The following KCNQ1OT1 variants were observed in gnomAD, a reference collection of about 807,000 sequenced individuals.
The protein encoded by KCNQ1OT1 is KCNQ1 antisense RNA 2 (non-protein coding).
chr11:2,630,337 T>C (rs1343766377), exon 1 of KCNQ1OT1: 1 of 398,168 alleles, frequency 2.5e-6, no homozygotes, highest in Non-Finnish European at 4.4e-6. Flanking sequence ...AATTTTTAAA[T>C]GTATAGTCAT....
In KCNQ1OT1 at chr11:2,631,383, A is replaced by G. The variant is rs139802305; in HGVS notation, n.68612T>C. 6.7e-4 allele frequency: 266 copies of G among 395,058 alleles called. 4 individuals are homozygous for G. In the East Asian group the frequency reaches 9.5e-3, roughly 14 times the overall value. 24.5% of individuals were successfully genotyped at this position (395,058 alleles called of 1,614,324 possible). ...GTCTGCTGCTGATGCTTTCTATTTC[A>G]CTTTTCATTTCATGCACTATATTCT... On this transcript the variant is annotated non_coding_transcript_exon_variant, in exon 1 of 1. Transcript: ENST00000597346.
exon 1 of KCNQ1OT1, chr11:2,632,906 CT>C (rs1488117241): frequency 5.0e-6 from 2 of 398,312 alleles, no homozygotes; most frequent in African/African-American, 4.1e-5. Context: ...TTTTTATATA[CT>C]GATTTCCTTT....
At chr11:2,675,986 C>T in exon 1 of KCNQ1OT1, 1 of 398,658 alleles carries the variant, frequency 2.5e-6, no homozygotes, top group Admixed American at 4.4e-5. Flanking sequence ...ACACTCTCCC[C>T]ACCCAACCCT....
chr11:2,668,513 G>T lies in KCNQ1OT1; in HGVS notation n.31482C>A. On this transcript the variant is annotated non_coding_transcript_exon_variant, in exon 1 of 1. Coordinates refer to ENST00000597346, the Ensembl canonical transcript of KCNQ1OT1. The surrounding 1 kb of genome is among the most constrained non-coding windows in gnomAD (Gnocchi z 4.3). ...TGGTGAATGTCTAGCAGCATCAAAT[G>T]GTGATTTTAATTTGCAGTAACCTGT... 2.5e-6 allele frequency: 1 copy of T among 398,560 alleles called. No homozygotes were observed. The highest frequency in any genetic ancestry group is 1.3e-4 in the South Asian group (1 of 7,852). 24.7% of individuals were successfully genotyped at this position (398,560 alleles called of 1,614,324 possible).
At chr11:2,675,016 C>CTT (rs1674855887) in exon 1 of KCNQ1OT1, 1 of 398,516 alleles carries the variant, frequency 2.5e-6, no homozygotes, top group Non-Finnish European at 4.4e-6. Flanking sequence ...TCCCGCCTGA[C>CTT]TTCTCTGCCA....
Position 2,626,934 on chromosome 11 carries a change from G to T in KCNQ1OT1, n.73061C>A. Reference sequence around the variant, plus strand: ...CCTTGAGATTCCATGTGAATTTTAGGATGGGGTTTCTTCTTTCTGCAAATA... The same window carrying T: ...CCTTGAGATTCCATGTGAATTTTAGTATGGGGTTTCTTCTTTCTGCAAATA... On this transcript the variant is annotated non_coding_transcript_exon_variant, in exon 1 of 1. Coordinates refer to ENST00000597346, the Ensembl canonical transcript of KCNQ1OT1. This position sits in a 1 kb window ranked among gnomAD's most constrained non-coding sequence, Gnocchi z 4.0. 1 of 398,562 alleles carries T rather than the reference G, an allele frequency of 2.5e-6. No homozygotes were observed. The highest frequency in any genetic ancestry group is 4.4e-6 in the Non-Finnish European group (1 of 226,054). 24.7% of individuals were successfully genotyped at this position (398,562 alleles called of 1,614,324 possible).
chr11:2,608,817 G>C lies in KCNQ1OT1; in HGVS notation n.91178C>G. 3 of 398,442 alleles carry C rather than the reference G, an allele frequency of 7.5e-6. No homozygotes were observed. The highest frequency in any genetic ancestry group is 1.3e-5 in the Non-Finnish European group (3 of 226,038). The allele number at this position is 398,442 out of a possible 1,614,324, so 24.7% of individuals were successfully genotyped here. On this transcript the variant is annotated non_coding_transcript_exon_variant, in exon 1 of 1. Transcript: ENST00000597346. This position sits in a 1 kb window ranked among gnomAD's most constrained non-coding sequence, Gnocchi z 4.6. ...TTTTTTTGCTTTAATTTGTAAAACT[G>C]TCATTCATTTCTGATTTTAGTAATT... is the stretch of plus-strand genomic sequence containing the variant.
At position 2,663,314 on chromosome 11, in the gene KCNQ1OT1, A is replaced by T. The variant is rs1850003908; in HGVS notation, n.36681T>A. On this transcript the variant is annotated non_coding_transcript_exon_variant, in exon 1 of 1. Transcript: ENST00000597346. The surrounding 1 kb of genome is among the most constrained non-coding windows in gnomAD (Gnocchi z 5.2). ...CTTCTGGGCCCCTCCTGGCTGGGTA[A>T]AAAGGCAGGAGCAGAGGTGTGAGCA... The T allele has an allele frequency of 2.5e-6, 1 of 398,778 alleles. No individual in the cohort carries two copies. Among genetic ancestry groups the T allele is most frequent in the Non-Finnish European group, 4.4e-6 (1 of 226,212 alleles). The allele number at this position is 398,778 out of a possible 1,614,324, so 24.7% of individuals were successfully genotyped here.
exon 1 of KCNQ1OT1, chr11:2,632,578 G>A (rs755706716): frequency 2.0e-5 from 8 of 398,146 alleles, no homozygotes; most frequent in Admixed American, 1.3e-4. Flanking sequence ...TATACACAGT[G>A]ATATTGTGAT....
chr11:2,612,435 T>C lies in KCNQ1OT1; in HGVS notation n.87560A>G. On this transcript the variant is annotated non_coding_transcript_exon_variant, in exon 1 of 1. Coordinates refer to ENST00000597346, the Ensembl canonical transcript of KCNQ1OT1. The surrounding 1 kb of genome is among the most constrained non-coding windows in gnomAD (Gnocchi z 5.5). ...ATGGGTATCTCTTCATTTTTCTTCA[T>C]TATTTTTCTTTCTATTCTTCAGTCT... The C allele has an allele frequency of 2.5e-6, 1 of 398,658 alleles. No individual in the cohort carries two copies. The allele number at this position is 398,658 out of a possible 1,614,324, so 24.7% of individuals were successfully genotyped here.
At chr11:2,649,610 G>A (rs1849726792) in exon 1 of KCNQ1OT1, 1 of 398,516 alleles carries the variant, frequency 2.5e-6, no homozygotes. Flanking sequence ...CCACCTTGCA[G>A]CACTTTTAAT....
rs1236612178 is a variant in KCNQ1OT1 at position 2,617,448 on chromosome 11, CCA to C, written n.82545_82546del. On this transcript the variant is annotated non_coding_transcript_exon_variant, in exon 1 of 1. Coordinates refer to ENST00000597346, the Ensembl canonical transcript of KCNQ1OT1. The surrounding 1 kb of genome is among the most constrained non-coding windows in gnomAD (Gnocchi z 4.6). ...TAATATTCCATTGTAGACATACACA[CCA>C]CAGTTTAGTCATCCATCAATGGACA... 1 of 398,394 alleles carries C rather than the reference CCA, an allele frequency of 2.5e-6. No homozygotes were observed. The highest frequency in any genetic ancestry group is 3.6e-5 in the East Asian group (1 of 28,062). 24.7% of individuals were successfully genotyped at this position (398,394 alleles called of 1,614,324 possible). A position where few individuals can be genotyped will look rare whatever the true frequency, so the allele number is the denominator to read the frequency against.
chr11:2,674,806 G>T lies in KCNQ1OT1; in HGVS notation n.25189C>A. On this transcript the variant is annotated non_coding_transcript_exon_variant, in exon 1 of 1. Transcript: ENST00000597346. This position sits in a 1 kb window ranked among gnomAD's most constrained non-coding sequence, Gnocchi z 5.9. Reference sequence around the variant, plus strand: ...CTCGCCAACTGCTGGCCTTTGGAAAGGCTTGTCACCCTAATAGCTGTTTTT... The same window carrying T: ...CTCGCCAACTGCTGGCCTTTGGAAATGCTTGTCACCCTAATAGCTGTTTTT... 1 of 388,152 alleles carries T rather than the reference G, an allele frequency of 2.6e-6. No individual in the cohort carries two copies. The highest frequency in any genetic ancestry group is 3.6e-5 in the East Asian group (1 of 27,702). 24.0% of individuals were successfully genotyped at this position (388,152 alleles called of 1,614,324 possible).
At position 2,624,419 on chromosome 11, in the gene KCNQ1OT1, A is replaced by T; in HGVS notation, n.75576T>A. ...TTACAGAGCAGAAACTTTTATTTTT[A>T]ACAAAGTCTAGCTTATCAATTATTT... On this transcript the variant is annotated non_coding_transcript_exon_variant, in exon 1 of 1. Coordinates refer to ENST00000597346, the Ensembl canonical transcript of KCNQ1OT1. The surrounding 1 kb of genome is among the most constrained non-coding windows in gnomAD (Gnocchi z 4.9). 2.5e-6 allele frequency: 1 copy of T among 398,448 alleles called. No homozygotes were observed. The highest frequency in any genetic ancestry group is 2.1e-5 in the African/African-American group (1 of 48,720). The allele number at this position is 398,448 out of a possible 1,614,324, so 24.7% of individuals were successfully genotyped here. A position where few individuals can be genotyped will look rare whatever the true frequency, so the allele number is the denominator to read the frequency against.
At chr11:2,672,596 C>T (rs1850206360) in exon 1 of KCNQ1OT1, 1 of 398,710 alleles carries the variant, frequency 2.5e-6, no homozygotes, top group South Asian at 1.3e-4. Context: ...ATTGGGAAAG[C>T]ATCCCTGTAG....
In KCNQ1OT1 at chr11:2,622,341, ATTTC is replaced by A. The variant is rs1263307478; in HGVS notation, n.77650_77653del. On this transcript the variant is annotated non_coding_transcript_exon_variant, in exon 1 of 1. Transcript: ENST00000597346. ...TATAACAATTTTTAAATTCAAGTTT[ATTTC>A]TTTTATTAGTATAATTACCTCCAGC... 69 of 398,204 alleles carry A rather than the reference ATTTC, an allele frequency of 1.7e-4. No homozygotes were observed. In the East Asian group the frequency reaches 2.4e-3, roughly 14 times the overall value. The allele number at this position is 398,204 out of a possible 1,614,324, so 24.7% of individuals were successfully genotyped here. A position where few individuals can be genotyped will look rare whatever the true frequency, so the allele number is the denominator to read the frequency against.
exon 1 of KCNQ1OT1, chr11:2,699,689 G>A (rs1337651125): frequency 2.2e-5 from 5 of 222,844 alleles, no homozygotes; most frequent in Admixed American, 1.2e-4. Context: ...GAAAAGCCCC[G>A]GGTGCCCCGA....
Position 2,657,995 on chromosome 11 carries a change from T to C in KCNQ1OT1, n.42000A>G. On this transcript the variant is annotated non_coding_transcript_exon_variant, in exon 1 of 1. Coordinates refer to ENST00000597346, the Ensembl canonical transcript of KCNQ1OT1. The surrounding 1 kb of genome is among the most constrained non-coding windows in gnomAD (Gnocchi z 4.8). ...GTCGGCCAGGCTCCTCCACTGTAAG[T>C]GAATAGCTGTTTTTCCCTTTCCATA... 1 of 398,588 alleles carries C rather than the reference T, an allele frequency of 2.5e-6. No homozygotes were observed. Among genetic ancestry groups the C allele is most frequent in the Non-Finnish European group, 4.4e-6 (1 of 226,054 alleles). 24.7% of individuals were successfully genotyped at this position (398,588 alleles called of 1,614,324 possible).
chr11:2,660,055 T>C (rs1003063928), exon 1 of KCNQ1OT1: 3 of 398,464 alleles, frequency 7.5e-6, no homozygotes, highest in East Asian at 3.6e-5. Context: ...TAAAGTCCAA[T>C]TTGTTGATTC....
Sources: allele counts gnomAD v4.1 joint callset, GRCh38; gene constraint gnomAD v4.1.1; non-coding constraint Gnocchi (gnomAD v3.1); transcripts MANE v1.5; gene names NCBI Gene and HGNC (gene_info 2026-07-23, HGNC 2026-07-21).